Variants in CFAP299 observed in about 807,000 individuals in gnomAD.
CFAP299 encodes cilia and flagella associated protein 299, also known as cilia- and flagella-associated protein 299.
In CFAP299, 21 loss-of-function variants were observed where a neutral mutation model predicts 27.0. The observed-to-expected ratio is 0.78, with a 90% CI of 0.55 to 1.12. CFAP299 has a LOEUF of 1.12. CFAP299 is among the 50% of genes most tolerant of loss of function. The pLI is 0.00. For missense variants in CFAP299, 310 were observed against 276.6 expected, an observed-to-expected ratio of 1.12 and a Z score of -0.86; for synonymous variants, 104 against 98.1, an observed-to-expected ratio of 1.06 and a Z score of -0.36.
At chr4:80,916,265 A>ATATATATATATG in intron 4 of CFAP299, among the ~76,000 whole-genome samples, 1 of 76,122 alleles carries the variant, frequency 1.3e-5, no homozygotes, top group Non-Finnish European at 2.1e-5. Context: ...ATATATATAT[A>ATATATATATATG]TATATATATA....
In CFAP299 at chr4:80,543,271, G is replaced by A. The variant is rs575423329; in HGVS notation, c.243-39822G>A. 6.5e-4 allele frequency among the ~76,000 whole-genome samples: 99 copies of A among 152,272 alleles called. No homozygotes were observed. The Middle Eastern group carries it at 0.01, about 16-fold the overall frequency. ...CCCTCATAGGTGAGAAAGAACTAGT[G>A]CAAGAACTCTGGCAACTCTAAAAGC... On this transcript the variant is annotated intron_variant, in intron 2 of 5. Transcript: ENST00000358105.
chr4:80,839,069 G>A (rs886619648), intron 3 of CFAP299, among the ~76,000 whole-genome samples: 1 of 152,226 alleles, frequency 6.6e-6, no homozygotes, highest in Admixed American at 6.5e-5. Flanking sequence ...TTGTTCCTCA[G>A]CTGCCTTGAA....
Position 80,782,746 on chromosome 4 carries a change from A to G in CFAP299, c.334-87247A>G, listed in dbSNP as rs956173408. Among the ~76,000 whole-genome samples the G allele has an allele frequency of 9.3e-4, 136 of 145,564 alleles. 1 individual carries two copies. The highest frequency in any genetic ancestry group is 1.7e-3 in the Non-Finnish European group (116 of 66,610). ...AATATATAATATATTCACATATGGC[A>G]TACATATATGAATATATAATATATT... On this transcript the variant is annotated intron_variant, in intron 3 of 5. Coordinates refer to ENST00000358105, the MANE Select transcript of CFAP299 (RefSeq NM_152770.3).
intron 3 of CFAP299, among the ~76,000 whole-genome samples, chr4:80,676,823 T>C (rs1246412875): frequency 6.6e-6 from 1 of 152,172 alleles, no homozygotes; most frequent in Non-Finnish European, 1.5e-5. Context: ...TCTGGTTTTA[T>C]TTATTTGGGT....
intron 3 of CFAP299, among the ~76,000 whole-genome samples, chr4:80,856,723 G>A (rs1229666204): frequency 6.6e-6 from 1 of 152,172 alleles, no homozygotes; most frequent in Non-Finnish European, 1.5e-5. Flanking sequence ...TAGATATGCA[G>A]TGTTATTTCT....
At position 80,839,463 on chromosome 4, in the gene CFAP299, G is replaced by T. The variant is rs535441135; in HGVS notation, c.334-30530G>T. The stretch of plus-strand genomic sequence containing the variant: ...GAACAAATGGAAATTTCAAGAGACC[G>T]AAAGGTTTGGCAGGTTTGCTTCCCT... On this transcript the variant is annotated intron_variant, in intron 3 of 5. Coordinates refer to ENST00000358105, the MANE Select transcript of CFAP299 (RefSeq NM_152770.3). Among the ~76,000 whole-genome samples the T allele has an allele frequency of 5.3e-5, 8 of 152,182 alleles. No homozygotes were observed. In the South Asian group the frequency reaches 1.7e-3, roughly 32 times the overall value.
chr4:80,362,639 A>G (rs1280477194), intron 1 of CFAP299, 115 bp from the exon 2 acceptor site: 6 of 1,130,942 alleles, frequency 5.3e-6, no homozygotes, highest in Non-Finnish European at 7.3e-6. Context: ...AAATACATTT[A>G]ATTTTTCATT....
intron 2 of CFAP299, among the ~76,000 whole-genome samples, chr4:80,565,763 A>G (rs991335646): frequency 7.9e-5 from 12 of 152,230 alleles, no homozygotes; most frequent in African/African-American, 2.9e-4. Flanking sequence ...CAAAAGCCTT[A>G]AACTGTTTTG....
At chr4:80,801,154 G>A (rs1728569920) in intron 3 of CFAP299, among the ~76,000 whole-genome samples, 1 of 149,708 alleles carries the variant, frequency 6.7e-6, no homozygotes, top group Non-Finnish European at 1.5e-5. Context: ...GTCAAATCAA[G>A]TTGACACTCA....
intron 5 of CFAP299, among the ~76,000 whole-genome samples, chr4:80,956,127 A>G (rs1738050747): frequency 6.6e-6 from 1 of 152,200 alleles, no homozygotes; most frequent in Admixed American, 6.5e-5. Context: ...ACTCTCTACA[A>G]ACAAGCTTCT....
In CFAP299 at chr4:80,354,996, A is replaced by G. The variant is rs149037124; in HGVS notation, c.112-7758A>G. Among the ~76,000 whole-genome samples, 238 of 152,276 alleles carry G rather than the reference A, an allele frequency of 1.6e-3. 3 individuals are homozygous for G. Among genetic ancestry groups the G allele is most frequent in the African/African-American group, 3.7e-3 (154 of 41,552 alleles). ...CTGCAATGAATATACATGTGCATGTATATTTATAATAGAATGATTTATATT... is the reference window on the plus strand; with the variant it reads ...CTGCAATGAATATACATGTGCATGTGTATTTATAATAGAATGATTTATATT... On this transcript the variant is annotated intron_variant, in intron 1 of 5. Transcript: ENST00000358105.
In CFAP299 at chr4:80,568,845, A is replaced by G. The variant is rs181007278; in HGVS notation, c.243-14248A>G. The stretch of plus-strand genomic sequence containing the variant: ...TATCAAGGGCACAGGGAACTGTGCA[A>G]TGGCTGTAGTGTACATGTAATTAGG... On this transcript the variant is annotated intron_variant, in intron 2 of 5. Coordinates refer to ENST00000358105, the MANE Select transcript of CFAP299 (RefSeq NM_152770.3). 2.6e-4 allele frequency among the ~76,000 whole-genome samples: 39 copies of G among 152,248 alleles called. No individual in the cohort carries two copies. In the East Asian group the frequency reaches 2.9e-3, roughly 11 times the overall value.
intron 1 of CFAP299, among the ~76,000 whole-genome samples, chr4:80,348,369 A>C (rs1404111774): frequency 1.3e-5 from 2 of 152,328 alleles, no homozygotes; most frequent in South Asian, 2.1e-4. Flanking sequence ...AATTGTAGAA[A>C]ATTTTTGCAA....
At chr4:80,672,373 A>G (rs1741534607) in intron 3 of CFAP299, among the ~76,000 whole-genome samples, 1 of 152,146 alleles carries the variant, frequency 6.6e-6, no homozygotes, top group African/African-American at 2.4e-5. Context: ...CGTGGTGGAT[A>G]AGGTTTTTGA....
intron 4 of CFAP299, among the ~76,000 whole-genome samples, chr4:80,927,322 TTC>T (rs1736355984): frequency 6.6e-6 from 1 of 152,070 alleles, no homozygotes; most frequent in Non-Finnish European, 1.5e-5. Context: ...TCAAAATAAA[TTC>T]TGAGCCTCTG....
At chr4:80,884,074 G>T (rs1733851940) in intron 4 of CFAP299, among the ~76,000 whole-genome samples, 1 of 152,036 alleles carries the variant, frequency 6.6e-6, no homozygotes, top group African/African-American at 2.4e-5. Flanking sequence ...GTGTCCATGT[G>T]GTCTCGTCAT....
intron 2 of CFAP299, among the ~76,000 whole-genome samples, chr4:80,397,650 A>G (rs1179139171): frequency 6.6e-6 from 1 of 152,166 alleles, no homozygotes; most frequent in Admixed American, 6.5e-5. Context: ...TTCATGCTAG[A>G]AACTCTCAAT....
intron 3 of CFAP299, among the ~76,000 whole-genome samples, chr4:80,647,333 T>G (rs1455636788): frequency 6.6e-6 from 1 of 152,174 alleles, no homozygotes; most frequent in Non-Finnish European, 1.5e-5. Flanking sequence ...GTTTGGTGCA[T>G]GCTCTTGCCA....
intron 3 of CFAP299, among the ~76,000 whole-genome samples, chr4:80,710,112 TGTAA>T (rs1163131205): frequency 6.6e-6 from 1 of 152,156 alleles, no homozygotes; most frequent in Non-Finnish European, 1.5e-5. Flanking sequence ...GAAGAAGTTC[TGTAA>T]CCAGTTGTCT....
Sources: allele counts gnomAD v4.1 joint callset (sites outside exome capture counted in the v4.1 genomes callset), GRCh38; gene constraint gnomAD v4.1.1; transcripts MANE v1.5; gene names NCBI Gene and HGNC (gene_info 2026-07-23, HGNC 2026-07-21).